The following POLA1 variants were observed in gnomAD, a reference collection of about 807,000 sequenced individuals.
POLA1 encodes DNA polymerase alpha catalytic subunit.
A neutral mutation model predicts 124.0 loss-of-function variants in POLA1; 15 were observed. That is an observed-to-expected ratio of 0.12 (90% CI 0.08 to 0.19). The LOEUF is 0.19. Among genes scored for constraint, POLA1 ranks in the 10% least tolerant of loss-of-function variants. The probability of loss-of-function intolerance (pLI) is 1.00; values close to 1 mark genes in which losing one functional copy is unlikely to be tolerated. For synonymous variants in POLA1, 408 were observed against 389.4 expected, an observed-to-expected ratio of 1.05 and a Z score of -0.56; for missense variants, 886 against 1,103.4, an observed-to-expected ratio of 0.80 and a Z score of 2.79.
Position 24,733,805 on chromosome X carries a change from A to G in POLA1, c.1822A>G (p.Ile608Val), listed in dbSNP as rs766019415. 1.8e-6 allele frequency: 2 copies of G among 1,121,462 alleles called. No homozygotes were observed. The highest frequency in any genetic ancestry group is 1.8e-5 in the African/African-American group (1 of 55,270). 92.4% of individuals were successfully genotyped at this position (1,121,462 alleles called of 1,213,427 possible). ...TTTTCCATATGCTTTCAAAGAAGTC[A>G]TTGAGAAAAAGGTAAAGTGCTCATT... ...CIFPYAFKEV[I>V]EKKNVKVEVA... Residue 608 changes from isoleucine (I) to valine (V), a missense_variant, in exon 17 of 37, where the codon ATT (isoleucine) becomes GTT (valine). Ile to Val is a conservative substitution (Grantham distance 29). Transcript: ENST00000379068.
intron 32 of POLA1, among the ~76,000 whole-genome samples, chrX:24,840,515 C>T (rs1471250193): frequency 8.9e-6 from 1 of 111,995 alleles, no homozygotes; most frequent in Non-Finnish European, 1.9e-5. Context: ...TTTATAATTA[C>T]TAGATGTCGC....
At chrX:24,908,173 T>C (rs1200330457) in intron 35 of POLA1, among the ~76,000 whole-genome samples, 1 of 111,584 alleles carries the variant, frequency 9.0e-6, no homozygotes, top group Non-Finnish European at 1.9e-5. Context: ...GATTTTTTTT[T>C]AATGATGCAA....
Position 24,709,383 on chromosome X carries a change from C to T in POLA1, c.346+4914C>T, listed in dbSNP as rs1282549153. 8.3e-5 allele frequency among the ~76,000 whole-genome samples: 8 copies of T among 95,839 alleles called. No homozygotes were observed. The East Asian group carries it at 1.9e-3, about 22-fold the overall frequency. The allele number at this position is 95,839 out of a possible 115,157, so 83.2% of individuals were successfully genotyped here. A position where few individuals can be genotyped will look rare whatever the true frequency, so the allele number is the denominator to read the frequency against. On this transcript the variant is annotated intron_variant, in intron 4 of 36. Transcript: ENST00000379068. ...CTCCCGGACAGCACGGCTGGCCAGG[C>T]GGGGGGCTGACCCCCCCACCTCCCT...
intron 36 of POLA1, among the ~76,000 whole-genome samples, chrX:24,964,529 A>G (rs1378283740): frequency 1.8e-5 from 2 of 112,823 alleles, no homozygotes; most frequent in Admixed American, 9.3e-5. Context: ...TAGGTAGCTG[A>G]CACCAAATAA....
At chrX:24,742,988 A>G (rs970537740) in intron 22 of POLA1, among the ~76,000 whole-genome samples, 2 of 112,443 alleles carry the variant, frequency 1.8e-5, no homozygotes, top group Non-Finnish European at 1.9e-5. Flanking sequence ...TCAAAAACAC[A>G]TAAAAATAGA....
Position 24,778,451 on chromosome X carries a change from G to C in POLA1, c.2964+29459G>C, listed in dbSNP as rs1002089676. ...TCACCATGTTGGCCAGGCTGGTCTT[G>C]AACTCCTCACCTCAAGTGATCTGCC... On this transcript the variant is annotated intron_variant, in intron 26 of 36. Coordinates refer to ENST00000379068, the MANE Select transcript of POLA1 (RefSeq NM_001330360.2). Among the ~76,000 whole-genome samples, 4 of 111,674 alleles carry C rather than the reference G, an allele frequency of 3.6e-5. No individual in the cohort carries two copies. The East Asian group carries it at 1.1e-3, about 31-fold the overall frequency.
intron 35 of POLA1, among the ~76,000 whole-genome samples, chrX:24,894,112 A>G (rs938991429): frequency 8.9e-6 from 1 of 111,963 alleles, no homozygotes; most frequent in African/African-American, 3.2e-5. Flanking sequence ...CAGAATAATG[A>G]TCTTAGTAAA....
At chrX:24,882,876 G>T (rs1223609668) in intron 34 of POLA1, among the ~76,000 whole-genome samples, 2 of 111,406 alleles carry the variant, frequency 1.8e-5, no homozygotes, top group Non-Finnish European at 3.8e-5. Flanking sequence ...CAGTAATGCA[G>T]TTCCTGGGTT....
At chrX:24,871,078 A>G (rs2046857178) in intron 34 of POLA1, among the ~76,000 whole-genome samples, 1 of 111,693 alleles carries the variant, frequency 9.0e-6, no homozygotes, top group Non-Finnish European at 1.9e-5. Context: ...ATTAACAACT[A>G]ATGATTGATA....
chrX:24,921,908 G>GTGTGTGTGTGTGTGTGTGTGTGTGTGTGT, intron 35 of POLA1, among the ~76,000 whole-genome samples: 10 of 110,511 alleles, frequency 9.0e-5, no homozygotes, highest in Admixed American at 1.9e-4. Context: ...GTGTGTGTGT[G>GTGTGTGTGTGTGTGTGTGTGTGTGTGTGT]ATGGGGGTGG....
intron 25 of POLA1, 138 bp downstream of exon 25, chrX:24,748,598 A>C: frequency 1.7e-6 from 1 of 571,804 alleles, no homozygotes; most frequent in South Asian, 3.4e-5. Flanking sequence ...AAAATACTAG[A>C]GTGCCTCAGA....
intron 35 of POLA1, among the ~76,000 whole-genome samples, chrX:24,900,429 A>G (rs934083880): frequency 8.9e-6 from 1 of 112,571 alleles, no homozygotes; most frequent in Admixed American, 9.4e-5. Flanking sequence ...TAATACAAAC[A>G]TAGTCTGAGT....
intron 2 of POLA1, among the ~76,000 whole-genome samples, chrX:24,701,248 T>A (rs766538052): frequency 4.5e-5 from 5 of 110,781 alleles, no homozygotes; most frequent in Non-Finnish European, 7.5e-5. Context: ...CAGTGATTCC[T>A]GTAGAGTAGG....
At chrX:24,721,052 G>A (rs1385057597) in intron 10 of POLA1, among the ~76,000 whole-genome samples, 1 of 112,772 alleles carries the variant, frequency 8.9e-6, no homozygotes, top group Non-Finnish European at 1.9e-5. Flanking sequence ...TATTTGCAAA[G>A]CAACCAGTTT....
At chrX:24,973,678 A>G (rs1289793335) in intron 36 of POLA1, among the ~76,000 whole-genome samples, 1 of 111,866 alleles carries the variant, frequency 8.9e-6, no homozygotes, top group Non-Finnish European at 1.9e-5. Context: ...CTCTTTGGTT[A>G]TTCTGAACTG....
intron 36 of POLA1, among the ~76,000 whole-genome samples, chrX:24,991,732 T>C (rs2048537562): frequency 8.9e-6 from 1 of 112,957 alleles, no homozygotes; most frequent in Non-Finnish European, 1.9e-5. Flanking sequence ...TATTTTATTC[T>C]TCTTGAAGGC....
chrX:24,968,559 C>T (rs1601917128), intron 36 of POLA1, among the ~76,000 whole-genome samples: 1 of 109,708 alleles, frequency 9.1e-6, no homozygotes, highest in African/African-American at 3.3e-5. Context: ...ATTAGCTGGG[C>T]GTGCGTGGTG....
chrX:24,922,483 A>T (rs1012213166), intron 35 of POLA1, among the ~76,000 whole-genome samples: 91 of 111,766 alleles, frequency 8.1e-4, no homozygotes, highest in African/African-American at 2.7e-3. Flanking sequence ...GTTTTTTACA[A>T]GTCTGTCAGT....
At position 24,920,233 on chromosome X, in the gene POLA1, A is replaced by G. The variant is rs768978330; in HGVS notation, c.4165-10220A>G. ...CTTCTCAGAATGAAGAGCAAAAATT[A>G]TAAAATTAAGTTGACACATTAGACG... is the stretch of plus-strand genomic sequence containing the variant. On this transcript the variant is annotated intron_variant, in intron 35 of 36. Transcript: ENST00000379068. 3.5e-4 allele frequency among the ~76,000 whole-genome samples: 39 copies of G among 111,770 alleles called. No individual in the cohort carries two copies. In the South Asian group the frequency reaches 0.014, roughly 41 times the overall value.
Sources: allele counts gnomAD v4.1 joint callset (sites outside exome capture counted in the v4.1 genomes callset), GRCh38; gene constraint gnomAD v4.1.1; transcripts MANE v1.5; gene names NCBI Gene and HGNC (gene_info 2026-07-23, HGNC 2026-07-21).